NPAS3: variants seen among roughly 807,000 people sequenced by gnomAD.
The protein encoded by NPAS3 is neuronal PAS domain protein 3, also known as neuronal PAS domain-containing protein 3.
In NPAS3, 14 loss-of-function variants were observed where a neutral mutation model predicts 73.1. The observed-to-expected ratio is 0.19, with a 90% CI of 0.13 to 0.30. The LOEUF is 0.30. NPAS3 is among the 10% of genes least tolerant of loss of function. The pLI is 1.00. For missense variants in NPAS3, 1,096 were observed against 1,250.0 expected, an observed-to-expected ratio of 0.88 and a Z score of 1.86; for synonymous variants, 620 against 541.5, an observed-to-expected ratio of 1.14 and a Z score of -2.01.
chr14:33,536,075 A>G (rs2054249008), intron 4 of NPAS3, among the ~76,000 whole-genome samples: 1 of 152,152 alleles, frequency 6.6e-6, no homozygotes, highest in African/African-American at 2.4e-5. Context: ...GCTAACCCCT[A>G]CTAGTGCTAA....
intron 1 of NPAS3, among the ~76,000 whole-genome samples, chr14:33,040,847 T>C (rs981391252): frequency 6.6e-6 from 1 of 152,182 alleles, no homozygotes; most frequent in African/African-American, 2.4e-5. Flanking sequence ...TAATAACCCT[T>C]CACATTTGCA....
chr14:33,703,384 C>T (rs1167839024), intron 6 of NPAS3, among the ~76,000 whole-genome samples: 2 of 152,008 alleles, frequency 1.3e-5, no homozygotes, highest in African/African-American at 4.8e-5. Flanking sequence ...GTCCCAGACA[C>T]TTGAGAGGCT....
At chr14:33,316,307 G>A (rs2043206160) in intron 3 of NPAS3, among the ~76,000 whole-genome samples, 1 of 152,018 alleles carries the variant, frequency 6.6e-6, no homozygotes, top group Non-Finnish European at 1.5e-5. Flanking sequence ...TGAATTCTCT[G>A]CTGAAATAGA....
chr14:33,615,726 G>T (rs185766931), intron 5 of NPAS3, among the ~76,000 whole-genome samples: 2 of 152,114 alleles, frequency 1.3e-5, no homozygotes, highest in Admixed American at 6.5e-5. Flanking sequence ...CCTAGTACAC[G>T]TTTAGATCTT....
In NPAS3 at chr14:33,572,646, G is replaced by A. The variant is rs117912178; in HGVS notation, c.558+12436G>A. Among the ~76,000 whole-genome samples, 72 of 152,266 alleles carry A rather than the reference G, an allele frequency of 4.7e-4. No homozygotes were observed. In the East Asian group the frequency reaches 0.013, roughly 27 times the overall value. On this transcript the variant is annotated intron_variant, in intron 5 of 11. Transcript: ENST00000356141. ...CGCTAGTTACCTCTGGACGGTTTAC[G>A]TAACTGGCATGTCAAATTATTCGTT... is the stretch of plus-strand genomic sequence containing the variant.
chr14:33,737,360 G>A (rs564688937), intron 7 of NPAS3, among the ~76,000 whole-genome samples: 2 of 152,286 alleles, frequency 1.3e-5, no homozygotes, highest in African/African-American at 4.8e-5. Flanking sequence ...TTTGCAGTAA[G>A]AATGGGCCTT....
intron 4 of NPAS3, among the ~76,000 whole-genome samples, chr14:33,424,793 A>T (rs1566891050): frequency 6.6e-6 from 1 of 151,872 alleles, no homozygotes; most frequent in African/African-American, 2.4e-5. Context: ...GTCTGGAGAC[A>T]TCAAGTGGAT....
intron 3 of NPAS3, among the ~76,000 whole-genome samples, chr14:33,326,675 A>C (rs2043723944): frequency 6.6e-6 from 1 of 152,212 alleles, no homozygotes; most frequent in Admixed American, 6.5e-5. Context: ...AACTTTGAAA[A>C]GCTGTGGCAC....
chr14:32,941,309 C>CTCCTTCCTTCCTTCCTTCCTTCCTTCCT (rs1226851739), intron 1 of NPAS3, among the ~76,000 whole-genome samples: 7 of 6,878 alleles, frequency 1.0e-3, no homozygotes, highest in African/African-American at 3.4e-3. Flanking sequence ...CCCTCCCTCC[C>CTCCTTCCTTCCTTCCTTCCTTCCTTCCT]TCCTTCCTTC....
chr14:33,732,925 C>T (rs888609230), intron 6 of NPAS3, among the ~76,000 whole-genome samples: 45 of 152,188 alleles, frequency 3.0e-4, no homozygotes, highest in African/African-American at 1.0e-3. Flanking sequence ...AATGTACCCT[C>T]TAAGTGTTTT....
At chr14:32,946,744 A>G (rs2139105544) in intron 1 of NPAS3, among the ~76,000 whole-genome samples, 1 of 152,340 alleles carries the variant, frequency 6.6e-6, no homozygotes, top group East Asian at 1.9e-4. Flanking sequence ...TTCAGCAAAT[A>G]TCTTGTTTAT....
At chr14:33,236,855 T>C (rs997500305) in intron 3 of NPAS3, among the ~76,000 whole-genome samples, 6 of 152,188 alleles carry the variant, frequency 3.9e-5, no homozygotes, top group Non-Finnish European at 8.8e-5. Context: ...TAAGTTCACA[T>C]TGACCACAGC....
chr14:33,474,176 C>T (rs2050914380), intron 4 of NPAS3, among the ~76,000 whole-genome samples: 1 of 152,074 alleles, frequency 6.6e-6, no homozygotes, highest in South Asian at 2.1e-4. Context: ...ATCGATTAGT[C>T]TGTTTGCTTC....
At chr14:33,091,191 G>A (rs1595426502) in intron 2 of NPAS3, among the ~76,000 whole-genome samples, 1 of 152,120 alleles carries the variant, frequency 6.6e-6, no homozygotes, top group Non-Finnish European at 1.5e-5. Context: ...AAAAATCAAT[G>A]AATCCAGGAG....
At chr14:33,147,898 C>A (rs1414058659) in intron 2 of NPAS3, among the ~76,000 whole-genome samples, 1 of 151,656 alleles carries the variant, frequency 6.6e-6, no homozygotes, top group Admixed American at 6.6e-5. Flanking sequence ...ATTTTCACTT[C>A]AGTATTTTCA....
chr14:33,705,065 C>G (rs1470795061), intron 6 of NPAS3, among the ~76,000 whole-genome samples: 2 of 152,162 alleles, frequency 1.3e-5, no homozygotes, highest in Admixed American at 1.3e-4. Context: ...TTAAAGCTGT[C>G]CAATAGGGGA....
intron 1 of NPAS3, among the ~76,000 whole-genome samples, chr14:33,003,298 TAA>T (rs551684747): frequency 6.9e-6 from 1 of 145,648 alleles, no homozygotes. Flanking sequence ...CTCTTGTTGA[TAA>T]AAAAAAAAAT....
At chr14:33,148,838 C>T (rs547256437) in intron 2 of NPAS3, among the ~76,000 whole-genome samples, 1 of 152,232 alleles carries the variant, frequency 6.6e-6, no homozygotes, top group South Asian at 2.1e-4. Flanking sequence ...CTGATGCATG[C>T]CACCACACCC....
chr14:33,080,476 A>G (rs2041832135), intron 2 of NPAS3, among the ~76,000 whole-genome samples: 1 of 152,206 alleles, frequency 6.6e-6, no homozygotes, highest in African/African-American at 2.4e-5. Flanking sequence ...AAATAGTAGT[A>G]GACAGGCAAG....
Sources: gnomAD v4.1 joint callset for allele counts (sites outside exome capture counted in the v4.1 genomes callset) on GRCh38, gnomAD v4.1.1 for gene constraint, MANE v1.5 for transcripts, NCBI Gene and HGNC (gene_info 2026-07-23, HGNC 2026-07-21) for gene names.